ANKRD30B: variants seen among roughly 807,000 people sequenced by gnomAD.
The protein encoded by ANKRD30B is ankyrin repeat domain 30B, also known as ankyrin repeat domain-containing protein 30B.
A neutral mutation model predicts 202.2 loss-of-function variants in ANKRD30B; 144 were observed. The observed-to-expected ratio is 0.71, with a 90% confidence interval of 0.62 to 0.82. ANKRD30B has a LOEUF of 0.82. ANKRD30B is among the 40% of genes least tolerant of loss of function. ANKRD30B has a pLI of 0.00. For missense variants in ANKRD30B, 1,487 were observed against 1,669.1 expected, an observed-to-expected ratio of 0.89 and a Z score of 1.90; for synonymous variants, 508 against 561.3, an observed-to-expected ratio of 0.91 and a Z score of 1.34.
the ANKRD30B span, among the ~76,000 whole-genome samples, chr18:14,902,253 A>T: frequency 2.0e-5 from 3 of 152,170 alleles, no homozygotes; most frequent in Non-Finnish European, 4.4e-5. Context: ...CACAAAGCCA[A>T]ACCATATTAC....
chr18:14,800,457 T>A (rs1720306124), intron 22 of ANKRD30B, among the ~76,000 whole-genome samples: 1 of 151,044 alleles, frequency 6.6e-6, no homozygotes, highest in Non-Finnish European at 1.5e-5. Context: ...CCCAAGTAGC[T>A]GGGAATCCAG....
chr18:14,784,591 A>G, intron 14 of ANKRD30B, 56 bp downstream of exon 14: 1 of 1,532,044 alleles, frequency 6.5e-7, no homozygotes, highest in South Asian at 1.2e-5. Flanking sequence ...GGACATTTTG[A>G]TAGTCTTTCT....
intron 11 of ANKRD30B, among the ~76,000 whole-genome samples, chr18:14,780,381 G>T (rs1023752012): frequency 9.9e-5 from 15 of 151,884 alleles, no homozygotes; most frequent in African/African-American, 3.6e-4. Context: ...GGAGGAGGAG[G>T]TTGCAGTGAG....
intron 22 of ANKRD30B, among the ~76,000 whole-genome samples, 165 bp downstream of exon 22, chr18:14,799,460 C>G (rs573203900): frequency 7.9e-5 from 12 of 152,168 alleles, no homozygotes; most frequent in African/African-American, 2.6e-4. Context: ...ATGCCATTTA[C>G]AAGCATAAGA....
the ANKRD30B span, among the ~76,000 whole-genome samples, chr18:14,940,876 G>C: frequency 3.1e-3 from 473 of 152,282 alleles, 1 homozygote; most frequent in Middle Eastern, 0.024. Flanking sequence ...CATTGCAAGA[G>C]CTAAATCCGG....
downstream of ANKRD30B, among the ~76,000 whole-genome samples, chr18:14,854,805 A>G (rs1357053446): frequency 6.8e-6 from 1 of 146,980 alleles, no homozygotes; most frequent in Admixed American, 6.8e-5. Flanking sequence ...TTCCTGTCTT[A>G]TGGTTAGCTA....
At chr18:14,925,241 A>G in the ANKRD30B span, among the ~76,000 whole-genome samples, 1 of 152,108 alleles carries the variant, frequency 6.6e-6, no homozygotes, top group South Asian at 2.1e-4. Flanking sequence ...AGGAGTGGAG[A>G]CATGGGAAGC....
At chr18:14,896,422 C>T in the ANKRD30B span, among the ~76,000 whole-genome samples, 33 of 152,178 alleles carry the variant, frequency 2.2e-4, no homozygotes, top group African/African-American at 6.3e-4. Flanking sequence ...TGAGCCACCG[C>T]GCCCGGCCTA....
rs184066067 is a variant in ANKRD30B at position 14,748,300 on chromosome 18, G to T, written c.-120G>T. The T allele has an allele frequency of 6.5e-4, 508 of 775,872 alleles. 7 individuals carry two copies. The East Asian group carries it at 0.014, about 21-fold the overall frequency. The allele number at this position is 775,872 out of a possible 1,614,324, so 48.1% of individuals were successfully genotyped here. A position where few individuals can be genotyped will look rare whatever the true frequency, so the allele number is the denominator to read the frequency against. Reference sequence around the variant, plus strand: ...TGGGGCGGGTGCGGGAACTGAAGACGGGCGAGTGCGAGCCGGGGGCGGGTG... The same window carrying T: ...TGGGGCGGGTGCGGGAACTGAAGACTGGCGAGTGCGAGCCGGGGGCGGGTG... On this transcript the variant is annotated 5_prime_UTR_variant, in exon 1 of 44. Coordinates refer to ENST00000690538, the MANE Select transcript of ANKRD30B (RefSeq NM_001367607.2).
At chr18:14,789,027 C>T (rs1968284966) in intron 15 of ANKRD30B, among the ~76,000 whole-genome samples, 1 of 151,536 alleles carries the variant, frequency 6.6e-6, no homozygotes, top group East Asian at 1.9e-4. Context: ...TAAAAGTGTT[C>T]CTATTTCTCC....
rs561939260 is a variant in ANKRD30B, at chr18:14,784,651, A to G, written c.1672+116A>G. Reference sequence around the variant, plus strand: ...ACTTTGATGAAAAGATTTGATCTAGATAATGCCAATACTGGTATTTATGTT... The same window carrying G: ...ACTTTGATGAAAAGATTTGATCTAGGTAATGCCAATACTGGTATTTATGTT... On this transcript the variant is annotated intron_variant, in intron 14 of 43. Transcript: ENST00000690538. The G allele has an allele frequency of 2.3e-5, 27 of 1,163,280 alleles. No individual in the cohort carries two copies. In the African/African-American group the frequency reaches 2.3e-4, roughly 10 times the overall value. 72.1% of individuals were successfully genotyped at this position (1,163,280 alleles called of 1,614,324 possible). A position where few individuals can be genotyped will look rare whatever the true frequency, so the allele number is the denominator to read the frequency against.
the ANKRD30B span, among the ~76,000 whole-genome samples, chr18:14,860,366 G>T: frequency 7.1e-5 from 2 of 28,032 alleles, no homozygotes; most frequent in Non-Finnish European, 8.4e-5. Flanking sequence ...GGGCAGAGGC[G>T]CTCCTCACTT....
chr18:14,768,447 G>T (rs1195812655), intron 7 of ANKRD30B, among the ~76,000 whole-genome samples: 1 of 152,198 alleles, frequency 6.6e-6, no homozygotes, highest in Non-Finnish European at 1.5e-5. Context: ...CTTGAAACCA[G>T]CTGGTTAGAT....
chr18:14,752,428 C>T, intron 1 of ANKRD30B, 138 bp from the exon 2 acceptor site: 1 of 618,810 alleles, frequency 1.6e-6, no homozygotes, highest in Non-Finnish European at 2.7e-6. Flanking sequence ...GAATGTTGTA[C>T]TTTCTTCAGG....
At chr18:14,848,416 G>C (rs1379804869) in intron 39 of ANKRD30B, among the ~76,000 whole-genome samples, 1 of 151,980 alleles carries the variant, frequency 6.6e-6, no homozygotes, top group East Asian at 1.9e-4. Flanking sequence ...TACATTCCTC[G>C]GGGGAATTTT....
intron 36 of ANKRD30B, among the ~76,000 whole-genome samples, chr18:14,838,944 A>G (rs1971294375): frequency 6.6e-6 from 1 of 152,254 alleles, no homozygotes; most frequent in Admixed American, 6.5e-5. Flanking sequence ...TTGTTAGCAC[A>G]AGAATGGGGA....
intron 7 of ANKRD30B, among the ~76,000 whole-genome samples, chr18:14,766,639 G>A (rs11877665): frequency 0.36 from 54,707 of 151,794 alleles, 10,179 homozygotes; most frequent in Non-Finnish European, 0.4. Context: ...TGGTTTATAC[G>A]TATTTCTAGC....
rs756862721 is a variant in ANKRD30B at position 14,763,673 on chromosome 18, G to T, written c.821-13G>T. On this transcript the variant is annotated splice_polypyrimidine_tract_variant and intron_variant, in intron 6 of 43. Transcript: ENST00000690538. The stretch of plus-strand genomic sequence containing the variant: ...AGCAGAAAGAAAATTTAACCAGATT[G>T]TGTGTTTGGCAGAAGGAACATCTAC... 6.2e-7 allele frequency: 1 copy of T among 1,612,716 alleles called. No individual in the cohort carries two copies. The highest frequency in any genetic ancestry group is 1.7e-5 in the Admixed American group (1 of 59,808).
intron 14 of ANKRD30B, among the ~76,000 whole-genome samples, chr18:14,785,618 A>C (rs1968030014): frequency 6.6e-6 from 1 of 152,178 alleles, no homozygotes; most frequent in South Asian, 2.1e-4. Flanking sequence ...AGCTTCTTAG[A>C]GCTATGGTGT....
Sources: allele counts gnomAD v4.1 joint callset (sites outside exome capture counted in the v4.1 genomes callset), GRCh38; gene constraint gnomAD v4.1.1; transcripts MANE v1.5; gene names NCBI Gene and HGNC (gene_info 2026-07-23, HGNC 2026-07-21).